Variants in ST6GAL2 observed in about 807,000 individuals in gnomAD.
ST6GAL2 encodes the protein beta-galactoside alpha-2,6-sialyltransferase 2.
In ST6GAL2, 24 loss-of-function variants were observed where a neutral mutation model predicts 37.5. The ratio of observed to expected loss-of-function variants is 0.64; its 90% confidence interval spans 0.46 to 0.90. The LOEUF (loss-of-function observed/expected upper bound fraction) is 0.90. Ranked by LOEUF, ST6GAL2 falls within the 40% of genes least tolerant of loss-of-function variation. The pLI, the probability that ST6GAL2 is intolerant of heterozygous loss-of-function variation, is 0.00. For synonymous variants in ST6GAL2, 306 were observed against 295.1 expected (o/e 1.04, Z -0.38); for missense variants, 715 against 712.7 (o/e 1.00, Z -0.04).
chr2:106,884,934 T>TATATATATACACACAC (rs1425070594), intron 1 of ST6GAL2, among the ~76,000 whole-genome samples: 26 of 120,456 alleles, frequency 2.2e-4, no homozygotes, highest in African/African-American at 9.2e-4. Flanking sequence ...TATATATATA[T>TATATATATACACACAC]ACATACACAC....
Position 106,823,482 on chromosome 2 carries a change from CACACAG to C in ST6GAL2, c.1318+6578_1318+6583del, listed in dbSNP as rs1167147548. Among the ~76,000 whole-genome samples, 49 of 95,456 alleles carry C rather than the reference CACACAG, an allele frequency of 5.1e-4. No individual in the cohort carries two copies. The South Asian group carries it at 5.9e-3, about 11-fold the overall frequency. The allele number at this position is 95,456 out of a possible 152,430, so 62.6% of individuals were successfully genotyped here. A position where few individuals can be genotyped will look rare whatever the true frequency, so the allele number is the denominator to read the frequency against. On this transcript the variant is annotated intron_variant, in intron 5 of 5. Transcript: ENST00000409382. ...ACACACACACACACACACACACACA[CACACAG>C]AGAGAGAGAGAGAGAGATCGAGAGA... is the stretch of plus-strand genomic sequence containing the variant.
Position 106,874,022 on chromosome 2 carries a change from T to C in ST6GAL2, c.-58+12071A>G, listed in dbSNP as rs150981678. ...GTGGACAGCCATCCTTTCAGTCTAA[T>C]AGGACTCTTAGATCCATCCATTTGA... On this transcript the variant is annotated intron_variant, in intron 1 of 5. Coordinates refer to ENST00000409382, the MANE Select transcript of ST6GAL2 (RefSeq NM_001142351.2). Among the ~76,000 whole-genome samples, 53 of 152,324 alleles carry C rather than the reference T, an allele frequency of 3.5e-4. No individual in the cohort carries two copies. In the East Asian group the frequency reaches 8.7e-3, roughly 25 times the overall value.
chr2:106,816,718 C>T (rs537212948), intron 5 of ST6GAL2, among the ~76,000 whole-genome samples: 1 of 152,148 alleles, frequency 6.6e-6, no homozygotes, highest in East Asian at 1.9e-4. Flanking sequence ...GCAGGAACAC[C>T]AAAGTCAACA....
In ST6GAL2 at chr2:106,829,635, C is replaced by T. The variant is rs559625581; in HGVS notation, c.1318+431G>A. Among the ~76,000 whole-genome samples, 55 of 152,268 alleles carry T rather than the reference C, an allele frequency of 3.6e-4. No individual in the cohort carries two copies. The South Asian group carries it at 0.011, about 30-fold the overall frequency. On this transcript the variant is annotated intron_variant, in intron 5 of 5. Transcript: ENST00000409382. The stretch of plus-strand genomic sequence containing the variant: ...CCATAAAACCATGAGAAAAATAAAA[C>T]GGTTCTTGCTTTTACACCTTGGAAT...
chr2:106,838,949 T>C (rs748341175), intron 2 of ST6GAL2, among the ~76,000 whole-genome samples: 13 of 151,900 alleles, frequency 8.6e-5, no homozygotes, highest in Admixed American at 1.3e-4. Context: ...CGCAGGAGAA[T>C]AGCTTGAGCC....
intron 5 of ST6GAL2, among the ~76,000 whole-genome samples, chr2:106,810,003 T>G (rs1258797421): frequency 6.6e-6 from 1 of 152,162 alleles, no homozygotes; most frequent in Non-Finnish European, 1.5e-5. Context: ...AGTTCTCTCA[T>G]AGGTAGCAAG....
intron 1 of ST6GAL2, among the ~76,000 whole-genome samples, chr2:106,879,629 C>A (rs936326199): frequency 1.4e-5 from 2 of 147,616 alleles, no homozygotes; most frequent in African/African-American, 2.5e-5. Context: ...ATATATATAT[C>A]TATTATAGAC....
chr2:106,801,917 A>AT lies in ST6GAL2; in HGVS notation c.*4760dup, dbSNP rs1392687275. The AT allele has an allele frequency of 2.6e-5, 4 of 152,088 alleles. No individual in the cohort carries two copies. Among genetic ancestry groups the AT allele is most frequent in the African/African-American group, 9.6e-5 (4 of 41,468 alleles). 9.4% of individuals were successfully genotyped at this position (152,088 alleles called of 1,614,324 possible). A position where few individuals can be genotyped will look rare whatever the true frequency, so the allele number is the denominator to read the frequency against. On this transcript the variant is annotated 3_prime_UTR_variant, in exon 6 of 6. Transcript: ENST00000409382. ...GTTAGATTTTAACACCACCAATGCAATTTCTTTGTTTCCAATCTACCTAGC... is the reference window on the plus strand; with the variant it reads ...GTTAGATTTTAACACCACCAATGCAATTTTCTTTGTTTCCAATCTACCTAGC...
intron 1 of ST6GAL2, among the ~76,000 whole-genome samples, chr2:106,875,174 CTTT>C (rs11330010): frequency 5.6e-4 from 72 of 128,924 alleles, no homozygotes; most frequent in African/African-American, 1.9e-3. Flanking sequence ...TTTTTTGTTT[CTTT>C]TTTTTTTTTT....
intron 1 of ST6GAL2, among the ~76,000 whole-genome samples, chr2:106,884,934 T>TATATATATATATGCAC (rs1425070594): frequency 8.3e-6 from 1 of 120,470 alleles, no homozygotes; most frequent in African/African-American, 3.6e-5. Flanking sequence ...TATATATATA[T>TATATATATATATGCAC]ACATACACAC....
chr2:106,882,656 A>C (rs772667605), intron 1 of ST6GAL2, among the ~76,000 whole-genome samples: 2 of 152,196 alleles, frequency 1.3e-5, no homozygotes, highest in Non-Finnish European at 2.9e-5. Flanking sequence ...CCAGCCTTGG[A>C]AACTGAGCTC....
intron 1 of ST6GAL2, among the ~76,000 whole-genome samples, chr2:106,861,610 T>C (rs1422999439): frequency 6.6e-6 from 1 of 152,044 alleles, no homozygotes; most frequent in Non-Finnish European, 1.5e-5. Context: ...AGATGTTCAT[T>C]TATTCTTTCT....
At chr2:106,850,426 T>C (rs1405260840) in intron 1 of ST6GAL2, among the ~76,000 whole-genome samples, 1 of 152,194 alleles carries the variant, frequency 6.6e-6, no homozygotes, top group Non-Finnish European at 1.5e-5. Flanking sequence ...AAGTGGCTCC[T>C]AATGCACAAG....
At chr2:106,861,986 T>C (rs1677818890) in intron 1 of ST6GAL2, among the ~76,000 whole-genome samples, 1 of 152,200 alleles carries the variant, frequency 6.6e-6, no homozygotes, top group African/African-American at 2.4e-5. Flanking sequence ...TATGTAAATA[T>C]ACAAATGGAA....
chr2:106,821,832 T>A (rs547552760), intron 5 of ST6GAL2, among the ~76,000 whole-genome samples: 1 of 152,264 alleles, frequency 6.6e-6, no homozygotes, highest in East Asian at 1.9e-4. Flanking sequence ...GTGGGATTTA[T>A]CCCTGGGATG....
intron 2 of ST6GAL2, among the ~76,000 whole-genome samples, chr2:106,840,194 G>A (rs1676819456): frequency 6.6e-6 from 1 of 152,150 alleles, no homozygotes; most frequent in African/African-American, 2.4e-5. Flanking sequence ...TCATAAGATC[G>A]TGATCTTTGG....
chr2:106,886,834 C>T (rs1679021658), upstream of ST6GAL2: 1 of 152,012 alleles, frequency 6.6e-6, no homozygotes, highest in Non-Finnish European at 1.5e-5. Context: ...CGCTCCCTGG[C>T]TGCGCGCGGA....
chr2:106,838,066 A>C (rs931312214), intron 2 of ST6GAL2, among the ~76,000 whole-genome samples: 2 of 152,198 alleles, frequency 1.3e-5, no homozygotes, highest in African/African-American at 4.8e-5. Context: ...CACGTTCTGT[A>C]AACGTACACC....
chr2:106,835,626 C>T (rs1379978735), intron 2 of ST6GAL2, among the ~76,000 whole-genome samples: 1 of 152,178 alleles, frequency 6.6e-6, no homozygotes, highest in African/African-American at 2.4e-5. Flanking sequence ...ATCTGACCTG[C>T]CACTTGTTTT....
Sources: allele counts gnomAD v4.1 joint callset (sites outside exome capture counted in the v4.1 genomes callset), GRCh38; gene constraint gnomAD v4.1.1; transcripts MANE v1.5; gene names NCBI Gene and HGNC (gene_info 2026-07-23, HGNC 2026-07-21).